DGKI: variants seen among roughly 807,000 people sequenced by gnomAD.
The protein encoded by DGKI is DAG kinase iota.
Under a neutral mutation model 147.5 loss-of-function variants are expected in DGKI, and 55 were observed. That is an observed-to-expected ratio of 0.37 (90% CI 0.30 to 0.47). DGKI has a LOEUF of 0.47. Ranked by LOEUF, DGKI falls within the 20% of genes least tolerant of loss-of-function variation. The pLI, the probability that DGKI is intolerant of heterozygous loss-of-function variation, is 1.00. For synonymous variants in DGKI, 469 were observed against 477.1 expected (o/e 0.98, Z 0.22); for missense variants, 1,007 against 1,323.8 (o/e 0.76, Z 3.71).
At chr7:137,823,520 AAG>A (rs141472848) in intron 1 of DGKI, among the ~76,000 whole-genome samples, 1,916 of 152,334 alleles carry the variant, frequency 0.013, 48 homozygotes, top group African/African-American at 0.044. Context: ...TAAAAATAGG[AAG>A]AGAGTTCCTG....
chr7:137,738,969 T>C (rs1022748397), intron 1 of DGKI, among the ~76,000 whole-genome samples: 6 of 152,158 alleles, frequency 3.9e-5, no homozygotes, highest in African/African-American at 1.4e-4. Context: ...ACTAGACATA[T>C]GGACACCTCC....
chr7:137,677,354 A>C (rs988998647), intron 3 of DGKI, among the ~76,000 whole-genome samples: 1 of 152,236 alleles, frequency 6.6e-6, no homozygotes, highest in Non-Finnish European at 1.5e-5. Flanking sequence ...CACACTGAGC[A>C]GTAACACTGA....
chr7:137,391,165 C>T lies in DGKI; in HGVS notation c.*55G>A, dbSNP rs2128892097. On this transcript the variant is annotated 3_prime_UTR_variant, in exon 33 of 33. Coordinates refer to ENST00000614521, the MANE Select transcript of DGKI (RefSeq NM_001321708.2). Reference sequence around the variant, plus strand: ...TTCTTCCAGGGGAGCTGCCCAATTGCAGGGAGGGCAGATGTGATACGCTTG... The same window carrying T: ...TTCTTCCAGGGGAGCTGCCCAATTGTAGGGAGGGCAGATGTGATACGCTTG... 7.6e-7 allele frequency: 1 copy of T among 1,315,430 alleles called. No homozygotes were observed. Among genetic ancestry groups the T allele is most frequent in the South Asian group, 1.2e-5 (1 of 84,846 alleles). The allele number at this position is 1,315,430 out of a possible 1,614,324, so 81.5% of individuals were successfully genotyped here.
chr7:137,627,352 G>C (rs1820979166), intron 6 of DGKI, among the ~76,000 whole-genome samples: 3 of 152,202 alleles, frequency 2.0e-5, no homozygotes, highest in Admixed American at 2.0e-4. Context: ...GTTCTTTGAA[G>C]GCAGTCAGTC....
At chr7:137,542,507 T>C (rs1817736235) in intron 20 of DGKI, among the ~76,000 whole-genome samples, 1 of 152,164 alleles carries the variant, frequency 6.6e-6, no homozygotes, top group Non-Finnish European at 1.5e-5. Context: ...AAAGAAGCCA[T>C]CTACAATGGA....
chr7:137,549,386 G>T (rs991261213), intron 20 of DGKI, among the ~76,000 whole-genome samples: 1 of 152,122 alleles, frequency 6.6e-6, no homozygotes, highest in Non-Finnish European at 1.5e-5. Flanking sequence ...CTGTTGTTAC[G>T]GGAGCCACAG....
chr7:137,399,134 G>A (rs1168297998), intron 30 of DGKI, among the ~76,000 whole-genome samples: 1 of 151,880 alleles, frequency 6.6e-6, no homozygotes, highest in Non-Finnish European at 1.5e-5. Context: ...GCTAGTCTGT[G>A]ACAAGGTCCT....
chr7:137,498,176 A>C (rs1333950812), intron 21 of DGKI, among the ~76,000 whole-genome samples: 1 of 151,848 alleles, frequency 6.6e-6, no homozygotes, highest in Non-Finnish European at 1.5e-5. Context: ...AATTTGATAA[A>C]ATAAATAGAG....
intron 19 of DGKI, among the ~76,000 whole-genome samples, chr7:137,554,874 A>C (rs1818168098): frequency 6.6e-6 from 1 of 151,942 alleles, no homozygotes; most frequent in Admixed American, 6.6e-5. Context: ...AACCTCTTGT[A>C]AGACTAAACA....
intron 6 of DGKI, among the ~76,000 whole-genome samples, chr7:137,628,706 A>G (rs575277522): frequency 1.6e-4 from 24 of 152,356 alleles, no homozygotes; most frequent in Non-Finnish European, 2.9e-4. Context: ...GATTAAAAAT[A>G]CCAAGAACAT....
At chr7:137,819,412 T>G (rs1489819330) in intron 1 of DGKI, among the ~76,000 whole-genome samples, 1 of 151,632 alleles carries the variant, frequency 6.6e-6, no homozygotes, top group African/African-American at 2.4e-5. Context: ...CCCAGGTTCA[T>G]GCCATTTCCT....
intron 1 of DGKI, among the ~76,000 whole-genome samples, chr7:137,795,189 G>C (rs76464003): frequency 6.6e-6 from 1 of 152,178 alleles, no homozygotes; most frequent in Non-Finnish European, 1.5e-5. Context: ...CTACAGAACA[G>C]TGAGCTCTGT....
At chr7:137,545,905 G>A (rs1817847183) in intron 20 of DGKI, 1 of 702,652 alleles carries the variant, frequency 1.4e-6, no homozygotes. Context: ...CTCACATGGT[G>A]AAGGAGCCGG....
rs770954076 is a variant in DGKI, at chr7:137,587,187, C to G, written c.1335G>C (p.Leu445=). The G allele has an allele frequency of 6.2e-7, 1 of 1,612,888 alleles. No homozygotes were observed. The highest frequency in any genetic ancestry group is 1.7e-5 in the Admixed American group (1 of 59,720). ...GCTGAGGGCTCAGCTGCAGTTCATCCAGGATGGAAAGGATCCAGCCCACCT... is the reference window on the plus strand; with the variant it reads ...GCTGAGGGCTCAGCTGCAGTTCATCGAGGATGGAAAGGATCCAGCCCACCT... ...DGTVGWILSI[L]DELQLSPQPP... is the part of the protein sequence containing the mutation. Residue 445 remains leucine, a synonymous_variant, in exon 13 of 33, where the codon CTG becomes CTC. Transcript: ENST00000614521.
chr7:137,652,353 TTCTC>T (rs1822058718), intron 5 of DGKI, among the ~76,000 whole-genome samples: 1 of 152,152 alleles, frequency 6.6e-6, no homozygotes, highest in Non-Finnish European at 1.5e-5. Context: ...TTGTCTCTCT[TTCTC>T]TCTTCCCCTG....
chr7:137,688,092 A>G (rs1328966090), intron 2 of DGKI, among the ~76,000 whole-genome samples: 1 of 152,192 alleles, frequency 6.6e-6, no homozygotes. Context: ...TCTTTTAAAA[A>G]GCATTTTCTG....
chr7:137,585,798 C>G (rs536070801), intron 13 of DGKI, among the ~76,000 whole-genome samples: 24 of 152,294 alleles, frequency 1.6e-4, no homozygotes, highest in African/African-American at 5.8e-4. Flanking sequence ...TCTCCCTGAC[C>G]TCCTTGGAAG....
chr7:137,621,462 A>G (rs1420041727), intron 7 of DGKI, among the ~76,000 whole-genome samples: 1 of 152,208 alleles, frequency 6.6e-6, no homozygotes, highest in East Asian at 1.9e-4. Flanking sequence ...CTGGAAATCC[A>G]GGTCCCAAAC....
At chr7:137,395,878 C>A in intron 31 of DGKI, 181 bp from the exon 32 acceptor site, 1 of 561,908 alleles carries the variant, frequency 1.8e-6, no homozygotes, top group African/African-American at 1.9e-5. Context: ...TTGAGCTAGC[C>A]ATCAACTGAT....
Sources: gnomAD v4.1 joint callset for allele counts (sites outside exome capture counted in the v4.1 genomes callset) on GRCh38, gnomAD v4.1.1 for gene constraint, MANE v1.5 for transcripts, NCBI Gene and HGNC (gene_info 2026-07-23, HGNC 2026-07-21) for gene names.